FAM178B: variants seen among roughly 807,000 people sequenced by gnomAD.
FAM178B encodes the protein family with sequence similarity 178 member B, also known as protein FAM178B.
In FAM178B, 82 loss-of-function variants were observed where a neutral mutation model predicts 91.7. The ratio of observed to expected loss-of-function variants is 0.89; its 90% CI spans 0.75 to 1.07. FAM178B has a LOEUF of 1.07. Ranked by LOEUF, FAM178B falls within the 50% of genes least tolerant of loss-of-function variation. FAM178B has a pLI of 0.00. For synonymous variants in FAM178B, 368 were observed against 359.4 expected (o/e 1.02, Z -0.27); for missense variants, 769 against 846.7 (o/e 0.91, Z 1.14).
At chr2:96,877,402 A>ATT (rs897024279) in intron 16 of FAM178B, among the ~76,000 whole-genome samples, 89 of 132,350 alleles carry the variant, frequency 6.7e-4, no homozygotes, top group East Asian at 3.5e-3. Context: ...TGGGCACTGG[A>ATT]TTTTTTTTTT....
At chr2:96,879,766 C>G (rs1212830756) in intron 14 of FAM178B, among the ~76,000 whole-genome samples, 1 of 152,268 alleles carries the variant, frequency 6.6e-6, no homozygotes, top group Non-Finnish European at 1.5e-5. Context: ...TCCAGGAGAG[C>G]TGCCCTGGGG....
chr2:96,910,189 C>T (rs938515071), intron 12 of FAM178B, among the ~76,000 whole-genome samples: 10 of 152,124 alleles, frequency 6.6e-5, no homozygotes, highest in African/African-American at 2.2e-4. Flanking sequence ...GCTCCCAAGC[C>T]GGAATCCCCT....
At position 96,902,712 on chromosome 2, in the gene FAM178B, G is replaced by A. The variant is rs990257236; in HGVS notation, c.1563-5C>T. 3.9e-6 allele frequency: 6 copies of A among 1,549,208 alleles called. No homozygotes were observed. In the Admixed American group the frequency reaches 9.8e-5, roughly 25 times the overall value. The stretch of plus-strand genomic sequence containing the variant: ...CTGAGCTGGCTTCGAAGCCGCCTGG[G>A]GGAAAAGCGACAGCCTGAGAGAGGG... On this transcript the variant is annotated splice_polypyrimidine_tract_variant and splice_region_variant and intron_variant, in intron 12 of 16. Coordinates refer to ENST00000490605, the MANE Select transcript of FAM178B (RefSeq NM_001122646.3).
At chr2:96,945,295 G>A (rs889572021) in intron 8 of FAM178B, among the ~76,000 whole-genome samples, 1 of 145,282 alleles carries the variant, frequency 6.9e-6, no homozygotes, top group African/African-American at 2.4e-5. Context: ...ACACTAGAGT[G>A]CCCTGGGACA....
chr2:96,977,984 T>C (rs1009799834), intron 1 of FAM178B: 1 of 447,284 alleles, frequency 2.2e-6, no homozygotes, highest in Non-Finnish European at 4.5e-6. Flanking sequence ...AGGGAGCACT[T>C]TGAAGTCCAT....
intron 1 of FAM178B, among the ~76,000 whole-genome samples, chr2:96,981,352 A>C (rs1485406348): frequency 6.6e-6 from 1 of 152,138 alleles, no homozygotes; most frequent in Non-Finnish European, 1.5e-5. Flanking sequence ...GCACGTGAAC[A>C]CTCAATCATC....
chr2:96,929,111 T>TTA (rs1180292075), intron 9 of FAM178B, 95 bp downstream of exon 9: 2 of 897,508 alleles, frequency 2.2e-6, no homozygotes, highest in Non-Finnish European at 3.6e-6. Context: ...TGAGCTATGA[T>TTA]TATACCCCTG....
chr2:96,934,458 AG>A (rs2153372066), intron 8 of FAM178B, among the ~76,000 whole-genome samples: 1 of 152,314 alleles, frequency 6.6e-6, no homozygotes, highest in Admixed American at 6.5e-5. Flanking sequence ...GATGAAGGGA[AG>A]CCACTGGACT....
intron 5 of FAM178B, among the ~76,000 whole-genome samples, chr2:96,964,436 G>A (rs1415343804): frequency 1.3e-5 from 2 of 152,022 alleles, no homozygotes; most frequent in South Asian, 2.1e-4. Context: ...ATAATACCTC[G>A]GCCAGGCTCA....
chr2:96,920,426 CCT>C (rs1169283204), intron 12 of FAM178B, among the ~76,000 whole-genome samples: 1 of 152,046 alleles, frequency 6.6e-6, no homozygotes, highest in Non-Finnish European at 1.5e-5. Context: ...ACGGTGAAAC[CCT>C]GTCTCCACTA....
chr2:96,941,943 C>A (rs1250226018), intron 8 of FAM178B, among the ~76,000 whole-genome samples: 1 of 152,186 alleles, frequency 6.6e-6, no homozygotes, highest in Non-Finnish European at 1.5e-5. Flanking sequence ...TTCTCTTAAT[C>A]AACTAGTTGC....
At chr2:96,897,965 G>A (rs1004606160) in intron 13 of FAM178B, 14 of 985,324 alleles carry the variant, frequency 1.4e-5, no homozygotes, top group African/African-American at 3.5e-5. Flanking sequence ...GTTCTCCAAC[G>A]TGTGCTTCTG....
At chr2:96,940,820 A>G (rs1181557380) in intron 8 of FAM178B, among the ~76,000 whole-genome samples, 2 of 152,358 alleles carry the variant, frequency 1.3e-5, no homozygotes, top group African/African-American at 2.4e-5. Context: ...TTATGCCTCA[A>G]TAAGTTTTTT....
intron 6 of FAM178B, among the ~76,000 whole-genome samples, chr2:96,955,248 C>G (rs1008541115): frequency 6.6e-6 from 1 of 151,572 alleles, no homozygotes; most frequent in African/African-American, 2.4e-5. Context: ...CGGTGGCTCA[C>G]GCCTGTAATC....
chr2:96,944,111 C>T (rs1183778760), intron 8 of FAM178B, among the ~76,000 whole-genome samples: 4 of 151,830 alleles, frequency 2.6e-5, no homozygotes, highest in African/African-American at 9.7e-5. Flanking sequence ...GGTGTGGTAG[C>T]GGTGCCTGTA....
intron 9 of FAM178B, among the ~76,000 whole-genome samples, chr2:96,924,019 C>T (rs1303328977): frequency 6.6e-6 from 1 of 152,238 alleles, no homozygotes; most frequent in African/African-American, 2.4e-5. Context: ...AAAGTGACAT[C>T]CCATCTCTTC....
intron 14 of FAM178B, among the ~76,000 whole-genome samples, chr2:96,885,359 T>G (rs1294655822): frequency 6.6e-6 from 1 of 152,270 alleles, no homozygotes; most frequent in Non-Finnish European, 1.5e-5. Context: ...CACCTCTGGC[T>G]TCCTGGAGAG....
intron 1 of FAM178B, among the ~76,000 whole-genome samples, chr2:96,982,864 G>C (rs927924807): frequency 8.1e-5 from 12 of 147,454 alleles, no homozygotes; most frequent in Non-Finnish European, 1.5e-4. Flanking sequence ...ACAGGCGTGA[G>C]CCACTGCACC....
intron 8 of FAM178B, among the ~76,000 whole-genome samples, chr2:96,932,615 G>A (rs1414329453): frequency 6.6e-6 from 1 of 152,164 alleles, no homozygotes; most frequent in Non-Finnish European, 1.5e-5. Flanking sequence ...GTGATGCCCA[G>A]GGGAGCACCG....
Sources: allele counts gnomAD v4.1 joint callset (sites outside exome capture counted in the v4.1 genomes callset), GRCh38; gene constraint gnomAD v4.1.1; transcripts MANE v1.5; gene names NCBI Gene and HGNC (gene_info 2026-07-23, HGNC 2026-07-21).